Variants in DPP6 observed in about 807,000 individuals in gnomAD.
DPP6 encodes the protein dipeptidyl peptidase like 6, also known as A-type potassium channel modulatory protein DPP6.
A neutral mutation model predicts 122.6 loss-of-function variants in DPP6; 69 were observed. The observed-to-expected ratio is 0.56, with a 90% CI of 0.46 to 0.69. The LOEUF (loss-of-function observed/expected upper bound fraction) is 0.69. DPP6 is among the 30% of genes least tolerant of loss of function. The probability of loss-of-function intolerance (pLI) is 0.00; values close to 1 mark genes in which losing one functional copy is unlikely to be tolerated. For synonymous variants in DPP6, 418 were observed against 433.1 expected (o/e 0.97, Z 0.43); for missense variants, 928 against 1,116.9 (o/e 0.83, Z 2.41).
upstream of DPP6, among the ~76,000 whole-genome samples, chr7:154,049,627 C>T (rs1447897058): frequency 5.6e-5 from 8 of 141,724 alleles, no homozygotes; most frequent in African/African-American, 2.1e-4. Context: ...CGTGCTCTGT[C>T]GCCAGGCTAG....
chr7:154,574,460 G>A (rs1383852728), intron 5 of DPP6, among the ~76,000 whole-genome samples: 1 of 113,608 alleles, frequency 8.8e-6, no homozygotes, highest in East Asian at 3.0e-4. Flanking sequence ...TGTGTGTGTG[G>A]TACGTGTATA....
At chr7:154,593,005 C>T (rs1030450086) in intron 5 of DPP6, among the ~76,000 whole-genome samples, 9 of 152,050 alleles carry the variant, frequency 5.9e-5, no homozygotes, top group South Asian at 2.1e-4. Flanking sequence ...GGCTGCGGGC[C>T]GGAGCTGTCA....
intron 17 of DPP6, among the ~76,000 whole-genome samples, chr7:154,856,489 T>C (rs1350758648): frequency 6.6e-6 from 1 of 152,194 alleles, no homozygotes; most frequent in African/African-American, 2.4e-5. Flanking sequence ...AAAAATAAGG[T>C]AATCTATAGG....
intron 1 of DPP6, among the ~76,000 whole-genome samples, chr7:154,374,119 C>A (rs1812908463): frequency 6.6e-6 from 1 of 152,194 alleles, no homozygotes; most frequent in Non-Finnish European, 1.5e-5. Context: ...CGCCATCAGG[C>A]TCTTAATGAG....
intron 1 of DPP6, among the ~76,000 whole-genome samples, chr7:154,024,161 T>C (rs1005726026): frequency 6.6e-6 from 1 of 152,166 alleles, no homozygotes; most frequent in African/African-American, 2.4e-5. Context: ...GCAAATACAG[T>C]ATTTATCACT....
rs768544472 is a variant in DPP6, at chr7:154,337,473, C to T, written c.244-108741C>T. The stretch of plus-strand genomic sequence containing the variant: ...AATTTTTAGAAAACGTCTAAAATCT[C>T]GAGTTATCAGCAGGACGATATCCAC... On this transcript the variant is annotated intron_variant, in intron 1 of 25. Transcript: ENST00000377770. Among the ~76,000 whole-genome samples the T allele has an allele frequency of 7.2e-5, 11 of 152,112 alleles. 1 individual carries two copies. Among genetic ancestry groups the T allele is most frequent in the South Asian group, 4.1e-4 (2 of 4,828 alleles).
chr7:153,814,122 CCTAGGGTTTCTT>C, the DPP6 span, among the ~76,000 whole-genome samples: 7 of 152,028 alleles, frequency 4.6e-5, no homozygotes, highest in African/African-American at 1.7e-4. Context: ...AATGGTAATG[CCTAGGGTTTCTT>C]CTAGGGTTTT....
intron 5 of DPP6, among the ~76,000 whole-genome samples, chr7:154,593,248 T>C (rs1301511655): frequency 6.6e-6 from 1 of 152,196 alleles, no homozygotes; most frequent in African/African-American, 2.4e-5. Context: ...ATAGCTCCGG[T>C]CCAGCTAGAT....
intron 6 of DPP6, among the ~76,000 whole-genome samples, chr7:154,660,600 T>G (rs1837590641): frequency 7.3e-6 from 1 of 136,884 alleles, no homozygotes; most frequent in Admixed American, 7.0e-5. Context: ...ATAGTCATGG[T>G]GAATCACCAT....
intron 1 of DPP6, among the ~76,000 whole-genome samples, chr7:154,442,031 T>A (rs1458657937): frequency 6.6e-6 from 1 of 152,250 alleles, no homozygotes; most frequent in African/African-American, 2.4e-5. Flanking sequence ...CATTACATCT[T>A]GCAGAATCCA....
chr7:153,884,987 A>AATACATAT (rs1209555021), upstream of DPP6, among the ~76,000 whole-genome samples: 338 of 116,434 alleles, frequency 2.9e-3, 10 homozygotes, highest in African/African-American at 5.6e-3. Context: ...TCAAAACAAA[A>AATACATAT]ATATATATAT....
At chr7:153,765,853 T>A in the DPP6 span, among the ~76,000 whole-genome samples, 1 of 152,184 alleles carries the variant, frequency 6.6e-6, no homozygotes, top group Non-Finnish European at 1.5e-5. Context: ...GAATGACTTA[T>A]CCTTTTCACA....
chr7:154,538,945 T>C (rs1420530309), intron 3 of DPP6, among the ~76,000 whole-genome samples: 1 of 152,252 alleles, frequency 6.6e-6, no homozygotes, highest in East Asian at 1.9e-4. Flanking sequence ...GCTTTGGATG[T>C]AATTTACATA....
the DPP6 span, among the ~76,000 whole-genome samples, chr7:153,786,853 A>G: frequency 2.1e-5 from 3 of 146,268 alleles, no homozygotes; most frequent in Non-Finnish European, 3.0e-5. Context: ...ACAAAGTCTC[A>G]CTACTGGTCA....
At chr7:153,875,058 C>T in the DPP6 span, among the ~76,000 whole-genome samples, 1 of 152,054 alleles carries the variant, frequency 6.6e-6, no homozygotes, top group African/African-American at 2.4e-5. Flanking sequence ...CAAAATGTAC[C>T]TAAGGATATC....
the DPP6 span, among the ~76,000 whole-genome samples, chr7:153,859,113 A>G: frequency 6.6e-6 from 1 of 152,230 alleles, no homozygotes; most frequent in Non-Finnish European, 1.5e-5. Flanking sequence ...TTCAACAGCA[A>G]TGATGAACAA....
At chr7:153,789,494 A>G in the DPP6 span, among the ~76,000 whole-genome samples, 29 of 152,302 alleles carry the variant, frequency 1.9e-4, no homozygotes, top group Non-Finnish European at 1.0e-4. Flanking sequence ...ACCTATGGCA[A>G]ATAACACTGG....
At chr7:154,852,507 C>T (rs1377916193) in intron 16 of DPP6, among the ~76,000 whole-genome samples, 2 of 151,102 alleles carry the variant, frequency 1.3e-5, no homozygotes, top group Non-Finnish European at 3.0e-5. Context: ...CCTGCCTCTC[C>T]TCCCTCTCCT....
intron 1 of DPP6, among the ~76,000 whole-genome samples, chr7:154,421,315 C>CTT (rs35388071): frequency 6.9e-4 from 97 of 140,856 alleles, no homozygotes; most frequent in African/African-American, 2.4e-3. Context: ...ATGTCAGTTT[C>CTT]TTTTTTTTTT....
Sources: allele counts gnomAD v4.1 joint callset (sites outside exome capture counted in the v4.1 genomes callset), GRCh38; gene constraint gnomAD v4.1.1; transcripts MANE v1.5; gene names NCBI Gene and HGNC (gene_info 2026-07-23, HGNC 2026-07-21).